PKHD1: variants seen among roughly 807,000 people sequenced by gnomAD.
PKHD1 encodes the protein PKHD1 ciliary IPT domain containing fibrocystin/polyductin.
PKHD1 carries 291 observed loss-of-function variants against 412.0 expected under a neutral mutation model. That is an observed-to-expected ratio of 0.71 (90% confidence interval 0.64 to 0.78). The LOEUF is 0.78. Ranked by LOEUF, PKHD1 falls within the 30% of genes least tolerant of loss-of-function variation. The probability of loss-of-function intolerance (pLI) is 0.00; values close to 1 mark genes in which losing one functional copy is unlikely to be tolerated. For synonymous variants in PKHD1, 1,777 were observed against 1,821.5 expected (o/e 0.98, Z 0.62); for missense variants, 4,825 against 4,950.7 (o/e 0.97, Z 0.76).
At chr6:51,640,428 T>G (rs1202985032) in intron 63 of PKHD1, among the ~76,000 whole-genome samples, 1 of 152,214 alleles carries the variant, frequency 6.6e-6, no homozygotes, top group Non-Finnish European at 1.5e-5. Flanking sequence ...GCATATGTGC[T>G]CAAAAGCTGA....
At chr6:52,013,698 G>T (rs924027310) in intron 34 of PKHD1, among the ~76,000 whole-genome samples, 1 of 152,088 alleles carries the variant, frequency 6.6e-6, no homozygotes, top group Non-Finnish European at 1.5e-5. Flanking sequence ...TACTTTGGGG[G>T]ATATGGTTTA....
intron 49 of PKHD1, among the ~76,000 whole-genome samples, chr6:51,851,447 G>A (rs998259710): frequency 2.0e-5 from 3 of 152,174 alleles, no homozygotes; most frequent in African/African-American, 7.2e-5. Flanking sequence ...CTTTTCAATT[G>A]TTTGGAATAG....
At chr6:51,657,223 C>T (rs1177665872) in intron 61 of PKHD1, among the ~76,000 whole-genome samples, 1 of 151,856 alleles carries the variant, frequency 6.6e-6, no homozygotes, top group Non-Finnish European at 1.5e-5. Flanking sequence ...CAATGGAAGA[C>T]CCAACTGACT....
chr6:51,910,684 A>T (rs1643099397), intron 39 of PKHD1, among the ~76,000 whole-genome samples: 1 of 152,164 alleles, frequency 6.6e-6, no homozygotes, highest in Non-Finnish European at 1.5e-5. Flanking sequence ...GCAAAATATG[A>T]TCTCAGAATA....
chr6:51,676,101 G>A (rs1167013711), intron 60 of PKHD1, among the ~76,000 whole-genome samples: 1 of 151,818 alleles, frequency 6.6e-6, no homozygotes, highest in African/African-American at 2.4e-5. Flanking sequence ...GTAGATTCAG[G>A]TTGCTTCCAG....
At chr6:52,078,792 T>G (rs186549523) in intron 5 of PKHD1, among the ~76,000 whole-genome samples, 2 of 152,330 alleles carry the variant, frequency 1.3e-5, no homozygotes, top group Admixed American at 1.3e-4. Context: ...TCTGTTATGT[T>G]CCCTGAGACA....
intron 35 of PKHD1, among the ~76,000 whole-genome samples, chr6:51,996,169 C>CTT (rs11392839): frequency 0.014 from 1,348 of 98,900 alleles, 54 homozygotes; most frequent in Non-Finnish European, 0.017. Context: ...CGACGCCTGG[C>CTT]TTTTTTTTTT....
chr6:51,694,609 G>A (rs976058418), intron 60 of PKHD1, among the ~76,000 whole-genome samples: 9 of 133,400 alleles, frequency 6.7e-5, no homozygotes, highest in African/African-American at 2.6e-4. Flanking sequence ...CGGCCAGGCT[G>A]GTTTTGAACT....
At chr6:52,046,402 C>T (rs1334802421) in intron 23 of PKHD1, among the ~76,000 whole-genome samples, 4 of 152,186 alleles carry the variant, frequency 2.6e-5, no homozygotes, top group Admixed American at 6.5e-5. Flanking sequence ...TTATATTACA[C>T]TATCTTTCAC....
At chr6:51,800,545 A>G (rs1464801799) in intron 52 of PKHD1, among the ~76,000 whole-genome samples, 3 of 152,216 alleles carry the variant, frequency 2.0e-5, no homozygotes, top group Non-Finnish European at 4.4e-5. Flanking sequence ...AAAGCATTCC[A>G]TGTAAGTTGA....
At chr6:52,083,970 T>TA (rs796981002) in intron 2 of PKHD1, among the ~76,000 whole-genome samples, 192 of 144,060 alleles carry the variant, frequency 1.3e-3, no homozygotes, top group South Asian at 7.0e-3. Context: ...TCCTTTTGTT[T>TA]AAAAAAAAAA....
At chr6:52,059,093 A>AT (rs1808262089) in intron 15 of PKHD1, among the ~76,000 whole-genome samples, 1 of 152,092 alleles carries the variant, frequency 6.6e-6, no homozygotes, top group Non-Finnish European at 1.5e-5. Flanking sequence ...TTATCCTTCA[A>AT]TGTTGTTGAG....
At position 51,933,828 on chromosome 6, in the gene PKHD1, C is replaced by G. The variant is rs368362728; in HGVS notation, c.6121+282G>C. 2.6e-5 allele frequency among the ~76,000 whole-genome samples: 4 copies of G among 152,130 alleles called. 1 individual carries two copies. The highest frequency in any genetic ancestry group is 5.9e-5 in the Non-Finnish European group (4 of 68,024). ...GCTAAGTCTGCTCTTGCAAAGGGGCCGGGAAGTATGGTCCACCCACAAGGA... is the reference window on the plus strand; with the variant it reads ...GCTAAGTCTGCTCTTGCAAAGGGGCGGGGAAGTATGGTCCACCCACAAGGA... On this transcript the variant is annotated intron_variant, in intron 37 of 66. Coordinates refer to ENST00000371117, the MANE Select transcript of PKHD1 (RefSeq NM_138694.4).
intron 47 of PKHD1, among the ~76,000 whole-genome samples, chr6:51,868,935 T>G (rs1167483590): frequency 6.6e-6 from 1 of 151,924 alleles, no homozygotes; most frequent in Non-Finnish European, 1.5e-5. Flanking sequence ...CCCATGTCAT[T>G]AAAGGAAGAA....
At chr6:51,738,917 C>T (rs559183824) in intron 60 of PKHD1, among the ~76,000 whole-genome samples, 94 of 152,118 alleles carry the variant, frequency 6.2e-4, no homozygotes, top group African/African-American at 2.1e-3. Flanking sequence ...CGCCTGCACA[C>T]AAGACACACA....
intron 35 of PKHD1, among the ~76,000 whole-genome samples, chr6:51,962,947 A>G (rs982918411): frequency 1.3e-5 from 2 of 152,072 alleles, no homozygotes; most frequent in South Asian, 4.1e-4. Context: ...TCATTGCTAT[A>G]TTCCCACCTC....
rs1381879178 is a variant in PKHD1, at chr6:51,868,069, G to C, written c.7527C>G (p.Asn2509Lys). 1.9e-6 allele frequency: 3 copies of C among 1,611,180 alleles called. No homozygotes were observed. The highest frequency in any genetic ancestry group is 2.2e-5 in the East Asian group (1 of 44,856). The change falls in exon 48 of 67, where the codon AAC becomes AAG. Residue 2509 changes from asparagine (N) to lysine (K), a missense_variant. Asn to Lys is a moderately conservative substitution (Grantham distance 94). Coordinates refer to ENST00000371117, the MANE Select transcript of PKHD1 (RefSeq NM_138694.4). ...ATGGAAATGCCACTAAGTTTGAAGA[G>C]TTTGTAAACTTCAACTGGCTGGTCT... The part of the protein sequence containing the change: ...TVKTSQLKFT[N>K]SSNLVAFPFP...
intron 47 of PKHD1, among the ~76,000 whole-genome samples, chr6:51,868,829 G>T (rs1775498037): frequency 6.6e-6 from 1 of 151,934 alleles, no homozygotes; most frequent in African/African-American, 2.4e-5. Context: ...ACACTTCTTG[G>T]CAGTCTTTCC....
chr6:51,998,995 G>A (rs1562095475), intron 35 of PKHD1, among the ~76,000 whole-genome samples: 1 of 152,136 alleles, frequency 6.6e-6, no homozygotes, highest in Non-Finnish European at 1.5e-5. Context: ...TAGAAGAGGT[G>A]TTGCCTAACC....
Sources: allele counts gnomAD v4.1 joint callset (sites outside exome capture counted in the v4.1 genomes callset), GRCh38; gene constraint gnomAD v4.1.1; transcripts MANE v1.5; gene names NCBI Gene and HGNC (gene_info 2026-07-23, HGNC 2026-07-21).